The following USP8 variants were observed in gnomAD, a reference collection of about 807,000 sequenced individuals.
USP8 encodes the protein ubiquitin carboxyl-terminal hydrolase 8.
Under a neutral mutation model 130.0 loss-of-function variants are expected in USP8, and 27 were observed. The observed-to-expected ratio is 0.21, with a 90% CI of 0.15 to 0.29. The LOEUF (loss-of-function observed/expected upper bound fraction) is 0.29. USP8 is among the 10% of genes least tolerant of loss of function. USP8 has a pLI of 1.00. For missense variants in USP8, 1,029 were observed against 1,312.2 expected (o/e 0.78, Z 3.33); for synonymous variants, 392 against 444.1 (o/e 0.88, Z 1.48).
chr15:50,510,621 G>A lies in USP8; in HGVS notation c.*11533G>A, dbSNP rs1466506344. The stretch of plus-strand genomic sequence containing the variant: ...ATTATTTTGATCTATGAAGTGTCAC[G>A]ATACAAGATTTAAATCAGCAAAAAG... On this transcript the variant is annotated 3_prime_UTR_variant, in exon 20 of 20. Transcript: ENST00000307179. 1 of 152,130 alleles carries A rather than the reference G, an allele frequency of 6.6e-6. No individual in the cohort carries two copies. The highest frequency in any genetic ancestry group is 1.5e-5 in the Non-Finnish European group (1 of 68,010). The allele number at this position is 152,130 out of a possible 1,614,324, so 9.4% of individuals were successfully genotyped here. A position where few individuals can be genotyped will look rare whatever the true frequency, so the allele number is the denominator to read the frequency against.
In USP8 at chr15:50,513,736, G is replaced by C. The variant is rs1195487607; in HGVS notation, c.*14648G>C. The stretch of plus-strand genomic sequence containing the variant: ...TGCCATTCTACTATATGGGCAACCA[G>C]AAGGGCCAAAACAAAACGAACAAAA... On this transcript the variant is annotated 3_prime_UTR_variant, in exon 20 of 20. Coordinates refer to ENST00000307179, the MANE Select transcript of USP8 (RefSeq NM_005154.5). 1 of 152,164 alleles carries C rather than the reference G, an allele frequency of 6.6e-6. No homozygotes were observed. Among genetic ancestry groups the C allele is most frequent in the Non-Finnish European group, 1.5e-5 (1 of 68,024 alleles). The allele number at this position is 152,164 out of a possible 1,614,324, so 9.4% of individuals were successfully genotyped here.
chr15:50,484,152 G>T, intron 11 of USP8, 123 bp from the exon 12 acceptor site: 1 of 641,470 alleles, frequency 1.6e-6, no homozygotes, highest in Non-Finnish European at 2.5e-6. Flanking sequence ...AAAATTTTCA[G>T]AGGCCTTTTT....
At chr15:50,437,316 A>G (rs1194395039) in intron 1 of USP8, among the ~76,000 whole-genome samples, 1 of 152,204 alleles carries the variant, frequency 6.6e-6, no homozygotes, top group Non-Finnish European at 1.5e-5. Context: ...CCCTCTCCCA[A>G]GAAATATAAT....
chr15:50,511,574 T>C lies in USP8; in HGVS notation c.*12486T>C, dbSNP rs2052739187. The C allele has an allele frequency of 6.6e-6, 1 of 152,242 alleles. No homozygotes were observed. The highest frequency in any genetic ancestry group is 1.5e-5 in the Non-Finnish European group (1 of 68,038). The allele number at this position is 152,242 out of a possible 1,614,324, so 9.4% of individuals were successfully genotyped here. A position where few individuals can be genotyped will look rare whatever the true frequency, so the allele number is the denominator to read the frequency against. ...ATGTGGTATATCCTATACAATGGAA[T>C]ATTATTTGGCAATAAAAAGGAATGA... On this transcript the variant is annotated 3_prime_UTR_variant, in exon 20 of 20. Coordinates refer to ENST00000307179, the MANE Select transcript of USP8 (RefSeq NM_005154.5).
chr15:50,425,532 A>G (rs1456826428), intron 1 of USP8, among the ~76,000 whole-genome samples: 1 of 152,232 alleles, frequency 6.6e-6, no homozygotes, highest in Admixed American at 6.5e-5. Flanking sequence ...ACTATTAAGC[A>G]TATCTGGAAG....
chr15:50,446,600 T>A (rs1488621681), intron 3 of USP8, among the ~76,000 whole-genome samples: 1 of 152,212 alleles, frequency 6.6e-6, no homozygotes, highest in Non-Finnish European at 1.5e-5. Context: ...GGACATGGTG[T>A]GCTAACTGAA....
intron 1 of USP8, chr15:50,426,753 A>C (rs1018227235): frequency 6.6e-6 from 1 of 152,296 alleles, no homozygotes; most frequent in South Asian, 2.1e-4. Context: ...AATTCGCACA[A>C]CATTACTTCC....
At chr15:50,471,577 G>A in intron 7 of USP8, 56 bp from the exon 8 acceptor site, 1 of 1,571,086 alleles carries the variant, frequency 6.4e-7, no homozygotes. Context: ...TCTTCTGTTA[G>A]TATATTAGGA....
Position 50,507,575 on chromosome 15 carries a change from T to G in USP8, c.*8487T>G, listed in dbSNP as rs1301784463. ...TCACCCAAATTGTATAATTTGAAAC[T>G]GCTACCTACCTAACAAAACAGACTT... On this transcript the variant is annotated 3_prime_UTR_variant, in exon 20 of 20. Transcript: ENST00000307179. 6.6e-6 allele frequency: 1 copy of G among 152,150 alleles called. No individual in the cohort carries two copies. Among genetic ancestry groups the G allele is most frequent in the Non-Finnish European group, 1.5e-5 (1 of 68,016 alleles). 9.4% of individuals were successfully genotyped at this position (152,150 alleles called of 1,614,324 possible).
intron 3 of USP8, among the ~76,000 whole-genome samples, chr15:50,444,869 C>T (rs1392152033): frequency 2.6e-5 from 4 of 152,056 alleles, no homozygotes; most frequent in Non-Finnish European, 2.9e-5. Flanking sequence ...CTGATTCTCT[C>T]ACCTCAGCCT....
chr15:50,485,550 A>ATTTT (rs71424071), intron 12 of USP8, among the ~76,000 whole-genome samples: 507 of 27,914 alleles, frequency 0.018, 52 homozygotes, highest in African/African-American at 0.022. Context: ...CAGTTTAGTG[A>ATTTT]TTTTTTTTTT....
At chr15:50,482,146 A>T (rs1461795459) in intron 11 of USP8, 81 bp downstream of exon 11, 7 of 1,292,956 alleles carry the variant, frequency 5.4e-6, no homozygotes, top group Non-Finnish European at 7.2e-6. Flanking sequence ...GCATTCCATA[A>T]AAGGGCAGGC....
At chr15:50,475,170 AT>A (rs1048103966) in intron 8 of USP8, among the ~76,000 whole-genome samples, 1 of 152,222 alleles carries the variant, frequency 6.6e-6, no homozygotes, top group African/African-American at 2.4e-5. Context: ...ATCAGGAAAA[AT>A]GTTTGCAATA....
chr15:50,461,013 A>T (rs2141280359), intron 5 of USP8, among the ~76,000 whole-genome samples: 2 of 150,514 alleles, frequency 1.3e-5, no homozygotes, highest in African/African-American at 4.9e-5. Context: ...TTTTTTTGAG[A>T]TGCAGTTTCG....
At chr15:50,487,361 GAA>G (rs1491121080) in intron 12 of USP8, among the ~76,000 whole-genome samples, 2 of 142,934 alleles carry the variant, frequency 1.4e-5, no homozygotes, top group African/African-American at 5.4e-5. Flanking sequence ...AAGAGAAAAT[GAA>G]GAGAGAGAGA....
rs963329563 is a variant in USP8, at chr15:50,514,057, C to A, written c.*14969C>A. The A allele has an allele frequency of 6.6e-6, 1 of 152,122 alleles. No individual in the cohort carries two copies. The highest frequency in any genetic ancestry group is 2.4e-5 in the African/African-American group (1 of 41,420). The allele number at this position is 152,122 out of a possible 1,614,324, so 9.4% of individuals were successfully genotyped here. ...ATGAATTACTAAATTGTAGTATTTT[C>A]ATACAATGGAATACTATACAGCAAT... On this transcript the variant is annotated 3_prime_UTR_variant, in exon 20 of 20. Transcript: ENST00000307179.
chr15:50,498,477 C>T, intron 18 of USP8, 119 bp from the exon 19 acceptor site: 4 of 1,339,006 alleles, frequency 3.0e-6, no homozygotes, highest in South Asian at 1.8e-5. Context: ...TACTAAAATT[C>T]CAAGTCTTTG....
chr15:50,498,330 T>C (rs569005263), intron 18 of USP8: 2 of 305,656 alleles, frequency 6.5e-6, no homozygotes, highest in Non-Finnish European at 6.0e-6. Context: ...GTAGCAGTTG[T>C]AGCTGGACCA....
At chr15:50,483,618 C>A (rs778529792) in intron 11 of USP8, among the ~76,000 whole-genome samples, 1 of 152,116 alleles carries the variant, frequency 6.6e-6, no homozygotes, top group Admixed American at 6.6e-5. Flanking sequence ...CACGGTAAAA[C>A]CCTGTCTCCA....
Sources: allele counts gnomAD v4.1 joint callset (sites outside exome capture counted in the v4.1 genomes callset), GRCh38; gene constraint gnomAD v4.1.1; transcripts MANE v1.5; gene names NCBI Gene and HGNC (gene_info 2026-07-23, HGNC 2026-07-21).